NELL1: variants seen among roughly 807,000 people sequenced by gnomAD.
NELL1 encodes neural EGFL like 1.
NELL1 carries 76 observed loss-of-function variants against 107.4 expected under a neutral mutation model. That is an observed-to-expected ratio of 0.71 (90% CI 0.59 to 0.86). NELL1 has a LOEUF of 0.86. Among genes scored for constraint, NELL1 ranks in the 40% least tolerant of loss-of-function variants. The probability of loss-of-function intolerance (pLI) is 0.00; values close to 1 mark genes in which losing one functional copy is unlikely to be tolerated. For missense variants in NELL1, 1,024 were observed against 1,005.5 expected, an observed-to-expected ratio of 1.02 and a Z score of -0.25; for synonymous variants, 353 against 341.2, an observed-to-expected ratio of 1.03 and a Z score of -0.38.
rs886324756 is a variant in NELL1, at chr11:21,173,660, G to T, written c.1427-55672G>T. The stretch of plus-strand genomic sequence containing the variant: ...AGAAGAGGCAAGCACATGAACAGAT[G>T]GGGACAGTGCTTGGCATTGTGCCTG... On this transcript the variant is annotated intron_variant, in intron 13 of 19. Coordinates refer to ENST00000357134, the MANE Select transcript of NELL1 (RefSeq NM_006157.5). 1.4e-4 allele frequency among the ~76,000 whole-genome samples: 21 copies of T among 151,816 alleles called. 1 individual carries two copies. The highest frequency in any genetic ancestry group is 5.1e-4 in the African/African-American group (21 of 41,134).
chr11:21,440,700 A>G (rs1387333107), intron 15 of NELL1, among the ~76,000 whole-genome samples: 3 of 152,162 alleles, frequency 2.0e-5, no homozygotes, highest in African/African-American at 4.8e-5. Context: ...TTGGAAGCTG[A>G]AGAATTCGTG....
chr11:20,967,437 G>A (rs1175992272), intron 12 of NELL1, among the ~76,000 whole-genome samples: 1 of 151,862 alleles, frequency 6.6e-6, no homozygotes, highest in Non-Finnish European at 1.5e-5. Context: ...CTGAAGTATT[G>A]TACTACAAAG....
intron 12 of NELL1, among the ~76,000 whole-genome samples, chr11:20,980,341 A>T (rs903968509): frequency 6.6e-6 from 1 of 152,178 alleles, no homozygotes; most frequent in Non-Finnish European, 1.5e-5. Flanking sequence ...GAACATATAG[A>T]TTCCAGAAGA....
At chr11:21,387,997 T>G (rs1851785783) in intron 15 of NELL1, among the ~76,000 whole-genome samples, 1 of 151,756 alleles carries the variant, frequency 6.6e-6, no homozygotes, top group African/African-American at 2.4e-5. Flanking sequence ...GCTAAGAGGT[T>G]AAAGAAATTG....
At chr11:21,055,681 G>A (rs1479807833) in intron 12 of NELL1, among the ~76,000 whole-genome samples, 1 of 152,078 alleles carries the variant, frequency 6.6e-6, no homozygotes, top group African/African-American at 2.4e-5. Flanking sequence ...AATGGAGGGA[G>A]TACCCAGGAG....
In NELL1 at chr11:21,072,911, CAT is replaced by C. The variant is rs747610625; in HGVS notation, c.1301-40677_1301-40676del. 5.3e-4 allele frequency among the ~76,000 whole-genome samples: 80 copies of C among 152,308 alleles called. 2 individuals are homozygous for C. Among genetic ancestry groups the C allele is most frequent in the African/African-American group, 1.2e-4 (5 of 41,570 alleles). On this transcript the variant is annotated intron_variant, in intron 12 of 19. Transcript: ENST00000357134. Reference sequence around the variant, plus strand: ...ACAGCTGTAGCCCATATTTCATTAACATGTGTTCTGCTTCCTGCTCGAACACA... The same window carrying C: ...ACAGCTGTAGCCCATATTTCATTAACGTGTTCTGCTTCCTGCTCGAACACA...
At chr11:20,772,142 C>A (rs563647626) in intron 2 of NELL1, among the ~76,000 whole-genome samples, 1 of 152,088 alleles carries the variant, frequency 6.6e-6, no homozygotes, top group African/African-American at 2.4e-5. Context: ...TAGGACCGTG[C>A]ACAAAAGGGA....
chr11:21,035,694 T>G (rs1351737390), intron 12 of NELL1, among the ~76,000 whole-genome samples: 1 of 152,078 alleles, frequency 6.6e-6, no homozygotes, highest in East Asian at 1.9e-4. Context: ...CCCCTCATGT[T>G]AAAAAGTCTC....
chr11:21,412,912 T>G (rs1852414701), intron 15 of NELL1, among the ~76,000 whole-genome samples: 1 of 151,990 alleles, frequency 6.6e-6, no homozygotes. Context: ...ACCAGAGGTA[T>G]CCCAGGGTAT....
chr11:21,410,274 A>T (rs950810259), intron 15 of NELL1, among the ~76,000 whole-genome samples: 1 of 152,186 alleles, frequency 6.6e-6, no homozygotes, highest in South Asian at 2.1e-4. Flanking sequence ...TACCTGTGCC[A>T]TTCATTTCAT....
chr11:20,897,123 G>A (rs1849758588), intron 5 of NELL1, among the ~76,000 whole-genome samples: 1 of 152,124 alleles, frequency 6.6e-6, no homozygotes, highest in Non-Finnish European at 1.5e-5. Context: ...TAAGCCAAAA[G>A]ACCAAAGCTG....
rs538265509 is a variant in NELL1, at chr11:21,039,326, C to T, written c.1301-74263C>T. The stretch of plus-strand genomic sequence containing the variant: ...TCAGCCTCCCAAGTAGATGGGATTA[C>T]AAGCATGTATCACAACACCTGGCTA... On this transcript the variant is annotated intron_variant, in intron 12 of 19. Transcript: ENST00000357134. 2.6e-5 allele frequency among the ~76,000 whole-genome samples: 4 copies of T among 152,166 alleles called. No individual in the cohort carries two copies. In the East Asian group the frequency reaches 5.8e-4, roughly 22 times the overall value.
At chr11:21,415,584 ATTT>A (rs1339955256) in intron 15 of NELL1, among the ~76,000 whole-genome samples, 1 of 151,232 alleles carries the variant, frequency 6.6e-6, no homozygotes, top group Non-Finnish European at 1.5e-5. Flanking sequence ...TTTCCCCCCT[ATTT>A]TTTCTATTTT....
At chr11:21,274,112 T>C (rs1159266986) in intron 14 of NELL1, among the ~76,000 whole-genome samples, 1 of 152,194 alleles carries the variant, frequency 6.6e-6, no homozygotes, top group African/African-American at 2.4e-5. Context: ...ACTGGCAAAT[T>C]GGATAAAGAG....
chr11:21,573,155 A>T, intron 18 of NELL1, 30 bp from the exon 19 acceptor site: 1 of 1,554,234 alleles, frequency 6.4e-7, no homozygotes, highest in Non-Finnish European at 8.9e-7. Flanking sequence ...TAGGAACAAT[A>T]ATGAGACATT....
At chr11:21,340,201 G>A (rs193004785) in intron 14 of NELL1, among the ~76,000 whole-genome samples, 32 of 152,302 alleles carry the variant, frequency 2.1e-4, no homozygotes, top group Admixed American at 1.1e-3. Flanking sequence ...CGCCCAGGCT[G>A]GAGTGCAATG....
intron 2 of NELL1, among the ~76,000 whole-genome samples, chr11:20,739,297 G>A (rs1401321204): frequency 6.6e-6 from 1 of 152,232 alleles, no homozygotes; most frequent in Non-Finnish European, 1.5e-5. Flanking sequence ...CAGAGCCCTT[G>A]AGTGAAAGTG....
chr11:21,295,846 A>C (rs562200885), intron 14 of NELL1, among the ~76,000 whole-genome samples: 17 of 152,178 alleles, frequency 1.1e-4, no homozygotes, highest in African/African-American at 4.1e-4. Flanking sequence ...GACATATTTG[A>C]AGTGGAAAAA....
intron 15 of NELL1, among the ~76,000 whole-genome samples, chr11:21,475,009 A>T (rs1382021240): frequency 2.0e-5 from 3 of 152,102 alleles, no homozygotes; most frequent in African/African-American, 7.2e-5. Context: ...GTGGAAAGGG[A>T]TCCTTTCAAT....
Sources: allele counts gnomAD v4.1 joint callset (sites outside exome capture counted in the v4.1 genomes callset), GRCh38; gene constraint gnomAD v4.1.1; transcripts MANE v1.5; gene names NCBI Gene and HGNC (gene_info 2026-07-23, HGNC 2026-07-21).